Variants in GRIK4 observed in about 807,000 individuals in gnomAD.
GRIK4 encodes glutamate ionotropic receptor kainate type subunit 4, also known as glutamate receptor ionotropic, kainate 4.
A neutral mutation model predicts 104.9 loss-of-function variants in GRIK4; 40 were observed. That is an observed-to-expected ratio of 0.38 (90% CI 0.30 to 0.50). GRIK4 has a LOEUF of 0.50. Ranked by LOEUF, GRIK4 falls within the 20% of genes least tolerant of loss-of-function variation. GRIK4 has a pLI of 0.93. For missense variants in GRIK4, 1,047 were observed against 1,308.1 expected (o/e 0.80, Z 3.08); for synonymous variants, 485 against 524.9 (o/e 0.92, Z 1.04).
At chr11:120,571,842 G>A (rs569560939) in intron 1 of GRIK4, among the ~76,000 whole-genome samples, 76 of 152,288 alleles carry the variant, frequency 5.0e-4, no homozygotes, top group African/African-American at 1.7e-3. Context: ...CTGGGTGAAC[G>A]ACCTACTTGG....
intron 1 of GRIK4, among the ~76,000 whole-genome samples, chr11:120,588,652 G>A (rs989476783): frequency 6.6e-6 from 1 of 152,134 alleles, no homozygotes; most frequent in Non-Finnish European, 1.5e-5. Context: ...AATAATGAAC[G>A]GAAGAGTTTG....
At chr11:120,908,447 AC>A (rs1477112466) in intron 13 of GRIK4, among the ~76,000 whole-genome samples, 7 of 152,116 alleles carry the variant, frequency 4.6e-5, no homozygotes, top group Admixed American at 4.6e-4. Context: ...ATACACACAC[AC>A]ACACACACAC....
intron 4 of GRIK4, among the ~76,000 whole-genome samples, chr11:120,809,890 G>A (rs1952793930): frequency 6.6e-6 from 1 of 152,006 alleles, no homozygotes; most frequent in Admixed American, 6.6e-5. Flanking sequence ...ATGTAGTGGG[G>A]CCCCATCTCT....
intron 13 of GRIK4, among the ~76,000 whole-genome samples, chr11:120,929,033 G>C (rs969720569): frequency 4.6e-5 from 7 of 152,012 alleles, no homozygotes; most frequent in Non-Finnish European, 1.0e-4. Flanking sequence ...ATGTGTGTGT[G>C]TGTGTGTGTC....
intron 19 of GRIK4, among the ~76,000 whole-genome samples, chr11:120,980,455 A>C (rs189694428): frequency 2.8e-4 from 43 of 152,136 alleles, no homozygotes; most frequent in African/African-American, 1.0e-3. Context: ...TCCCTTTTTC[A>C]TCCCCTACTT....
At chr11:120,711,671 T>C (rs1445723271) in intron 3 of GRIK4, among the ~76,000 whole-genome samples, 1 of 152,218 alleles carries the variant, frequency 6.6e-6, no homozygotes. Flanking sequence ...TGATCCTTAA[T>C]GTTTTCCAGA....
At chr11:120,879,837 G>T (rs1431501022) in intron 11 of GRIK4, among the ~76,000 whole-genome samples, 1 of 152,242 alleles carries the variant, frequency 6.6e-6, no homozygotes, top group Admixed American at 6.5e-5. Flanking sequence ...GGCCTGGACA[G>T]TATTAGGAAA....
At chr11:120,977,667 C>T (rs1229164131) in intron 19 of GRIK4, among the ~76,000 whole-genome samples, 1 of 152,184 alleles carries the variant, frequency 6.6e-6, no homozygotes, top group Non-Finnish European at 1.5e-5. Context: ...CTGGAGCCAA[C>T]ACCCATGATT....
chr11:120,620,616 C>T (rs1949175281), intron 1 of GRIK4, among the ~76,000 whole-genome samples: 2 of 152,096 alleles, frequency 1.3e-5, no homozygotes, highest in Non-Finnish European at 2.9e-5. Flanking sequence ...ATTACAGGCA[C>T]GAACCACTAC....
intron 3 of GRIK4, among the ~76,000 whole-genome samples, chr11:120,739,172 G>A (rs78528766): frequency 0.034 from 5,173 of 152,292 alleles, 314 homozygotes; most frequent in African/African-American, 0.12. Context: ...ATGGGCAGAG[G>A]CATTCTAGTA....
intron 11 of GRIK4, among the ~76,000 whole-genome samples, chr11:120,886,553 A>T (rs1489729419): frequency 6.6e-6 from 1 of 152,228 alleles, no homozygotes. Context: ...TTGATTGAAG[A>T]AAGCACCATG....
chr11:120,940,451 C>G lies in GRIK4; in HGVS notation c.1581C>G (p.Arg527=). Residue 527 remains arginine, a synonymous_variant, in exon 14 of 21, where the codon CGC becomes CGG. Transcript: ENST00000527524. This position sits in a 1 kb window ranked among gnomAD's most constrained non-coding sequence, Gnocchi z 4.3. ...CTCTGGGAATTAGCATTCTTTACCG[C>G]GTTCATATGGTAAGAGACTTATTTT... ...FMTLGISILY[R]VHMGRKPGYF... 6.4e-7 allele frequency: 1 copy of G among 1,574,642 alleles called. No homozygotes were observed. Among genetic ancestry groups the G allele is most frequent in the Non-Finnish European group, 8.7e-7 (1 of 1,144,418 alleles).
chr11:120,877,144 T>C (rs1954843828), intron 11 of GRIK4, among the ~76,000 whole-genome samples: 1 of 152,242 alleles, frequency 6.6e-6, no homozygotes, highest in Non-Finnish European at 1.5e-5. Context: ...GGGGCAGAGC[T>C]GCATTGTCTG....
At chr11:120,668,312 GAA>G (rs1221915404) in intron 3 of GRIK4, among the ~76,000 whole-genome samples, 63 of 144,066 alleles carry the variant, frequency 4.4e-4, no homozygotes, top group African/African-American at 1.5e-3. Context: ...GAAAAGAAAA[GAA>G]GAAAGGAAGG....
intron 3 of GRIK4, among the ~76,000 whole-genome samples, chr11:120,691,986 C>T (rs562913388): frequency 6.6e-6 from 1 of 152,222 alleles, no homozygotes; most frequent in African/African-American, 2.4e-5. Flanking sequence ...GTGAGCAATA[C>T]CCTCCTATGA....
chr11:120,561,398 C>T lies in GRIK4; in HGVS notation c.-159+49511C>T, dbSNP rs370568774. ...CCTTCTCTCCTTCATGCTTTCGCCT[C>T]TCTTCCTGCACGCTCACCAGCAAGG... is the stretch of plus-strand genomic sequence containing the variant. On this transcript the variant is annotated intron_variant, in intron 1 of 20. Coordinates refer to ENST00000527524, the MANE Select transcript of GRIK4 (RefSeq NM_014619.5). Among the ~76,000 whole-genome samples, 5 of 152,358 alleles carry T rather than the reference C, an allele frequency of 3.3e-5. No homozygotes were observed. In the East Asian group the frequency reaches 9.6e-4, roughly 29 times the overall value.
At chr11:120,547,411 C>T (rs781719731) in intron 1 of GRIK4, among the ~76,000 whole-genome samples, 15 of 152,184 alleles carry the variant, frequency 9.9e-5, no homozygotes, top group Non-Finnish European at 1.5e-4. Flanking sequence ...GAGTGAATAG[C>T]GTGGTGAGAT....
At chr11:120,710,440 G>A (rs375924511) in intron 3 of GRIK4, among the ~76,000 whole-genome samples, 5 of 152,098 alleles carry the variant, frequency 3.3e-5, no homozygotes, top group Non-Finnish European at 7.3e-5. Context: ...TCTGATCGAC[G>A]GCACTGACTC....
chr11:120,759,635 C>G (rs1951712420), intron 3 of GRIK4, among the ~76,000 whole-genome samples: 1 of 152,012 alleles, frequency 6.6e-6, no homozygotes. Context: ...GAATGCCTGG[C>G]TCTGATTGAC....
Sources: allele counts gnomAD v4.1 joint callset (sites outside exome capture counted in the v4.1 genomes callset), GRCh38; gene constraint gnomAD v4.1.1; non-coding constraint Gnocchi (gnomAD v3.1); transcripts MANE v1.5; gene names NCBI Gene and HGNC (gene_info 2026-07-23, HGNC 2026-07-21).